Variants in UMAD1 observed in about 807,000 individuals in gnomAD.
UMAD1 encodes UBAP1-MVB12-associated (UMA) domain containing 1.
A neutral mutation model predicts 6.1 loss-of-function variants in UMAD1; 8 were observed. The observed-to-expected ratio is 1.30, with a 90% CI of 0.76 to 2.35. The LOEUF is 2.35. Among genes scored for constraint, UMAD1 ranks in the 30% most tolerant of loss-of-function variants. UMAD1 has a pLI of 0.00. For missense variants in UMAD1, 130 were observed against 78.4 expected, an observed-to-expected ratio of 1.66 and a Z score of -2.49; for synonymous variants, 56 against 31.4, an observed-to-expected ratio of 1.78 and a Z score of -2.61.
intron 1 of UMAD1, among the ~76,000 whole-genome samples, chr7:7,642,613 G>T (rs574212065): frequency 1.3e-5 from 2 of 152,104 alleles, no homozygotes; most frequent in South Asian, 2.1e-4. Context: ...CAGCTTTTTC[G>T]TGTATTTTTG....
At position 7,782,670 on chromosome 7, in the gene UMAD1, C is replaced by T. The variant is rs774148289; in HGVS notation, c.83-19000C>T. ...TAATACTTTAATCCTAGTTAATCCA[C>T]GTTATTGACCGTCTGTGCCTACAAG... is the stretch of plus-strand genomic sequence containing the variant. On this transcript the variant is annotated intron_variant, in intron 2 of 3. Transcript: ENST00000682710. 6.6e-5 allele frequency among the ~76,000 whole-genome samples: 10 copies of T among 151,580 alleles called. No homozygotes were observed. The South Asian group carries it at 1.0e-3, about 16-fold the overall frequency.
chr7:7,692,314 G>A (rs969879686), intron 2 of UMAD1: 5 of 152,180 alleles, frequency 3.3e-5, no homozygotes, highest in Non-Finnish European at 7.3e-5. Context: ...GTAGTCATGA[G>A]GAGAATTATA....
chr7:7,795,789 A>G (rs567772434), intron 2 of UMAD1, among the ~76,000 whole-genome samples: 4 of 152,316 alleles, frequency 2.6e-5, no homozygotes, highest in South Asian at 4.2e-4. Flanking sequence ...TATAATTGGC[A>G]TATAATGAAC....
At chr7:7,809,448 T>C (rs2115282216) in intron 3 of UMAD1, among the ~76,000 whole-genome samples, 1 of 152,130 alleles carries the variant, frequency 6.6e-6, no homozygotes, top group Admixed American at 6.5e-5. Context: ...TGCATGTATT[T>C]ATGGGGTACG....
At position 7,776,863 on chromosome 7, in the gene UMAD1, G is replaced by A. The variant is rs540088377; in HGVS notation, c.83-24807G>A. On this transcript the variant is annotated intron_variant, in intron 2 of 3. Coordinates refer to ENST00000682710, the MANE Select transcript of UMAD1 (RefSeq NM_001302348.2). ...TATATGAAAAGTAATACACTGAAAA[G>A]CCTTCCTCCAACATCTGTCATCGAT... Among the ~76,000 whole-genome samples, 8 of 151,004 alleles carry A rather than the reference G, an allele frequency of 5.3e-5. No homozygotes were observed. In the South Asian group the frequency reaches 1.3e-3, roughly 24 times the overall value.
intron 2 of UMAD1, among the ~76,000 whole-genome samples, chr7:7,692,059 C>A (rs958082114): frequency 7.2e-5 from 11 of 152,136 alleles, no homozygotes; most frequent in Non-Finnish European, 1.0e-4. Context: ...TTGATAACTG[C>A]AGTTATTAAC....
At chr7:7,819,367 T>C (rs1783198279) in intron 3 of UMAD1, among the ~76,000 whole-genome samples, 1 of 152,218 alleles carries the variant, frequency 6.6e-6, no homozygotes, top group Non-Finnish European at 1.5e-5. Flanking sequence ...TTGTTTATAT[T>C]ACGCTGTATC....
At position 7,794,662 on chromosome 7, in the gene UMAD1, T is replaced by C. The variant is rs183745089; in HGVS notation, c.83-7008T>C. ...ATACCAAATTGCAACCTGACACTGG[T>C]ATAGGACCTCATGACAGATAGCAGA... On this transcript the variant is annotated intron_variant, in intron 2 of 3. Transcript: ENST00000682710. 2.6e-4 allele frequency among the ~76,000 whole-genome samples: 40 copies of C among 152,280 alleles called. No homozygotes were observed. The South Asian group carries it at 5.2e-3, about 20-fold the overall frequency.
intron 3 of UMAD1, among the ~76,000 whole-genome samples, chr7:7,874,615 G>A (rs567555432): frequency 5.9e-5 from 9 of 152,256 alleles, no homozygotes; most frequent in African/African-American, 1.9e-4. Context: ...TCAAGAGTTC[G>A]AGACCAGCCT....
intron 2 of UMAD1, among the ~76,000 whole-genome samples, chr7:7,779,011 G>C (rs1298342228): frequency 6.6e-6 from 1 of 152,046 alleles, no homozygotes; most frequent in Non-Finnish European, 1.5e-5. Flanking sequence ...TTTCAGATAG[G>C]GAAACTCAGG....
At chr7:7,678,595 C>T (rs1168621250) in intron 2 of UMAD1, among the ~76,000 whole-genome samples, 1 of 129,370 alleles carries the variant, frequency 7.7e-6, no homozygotes, top group African/African-American at 2.9e-5. Context: ...TATTTATATA[C>T]TTAATTTATA....
At chr7:7,789,623 CT>C (rs1554329011) in intron 2 of UMAD1, among the ~76,000 whole-genome samples, 8 of 145,844 alleles carry the variant, frequency 5.5e-5, no homozygotes, top group Admixed American at 1.4e-4. Context: ...CCCTTCTCCC[CT>C]CCCCACAGAC....
At chr7:7,717,034 T>G (rs910556298) in intron 2 of UMAD1, among the ~76,000 whole-genome samples, 1 of 151,806 alleles carries the variant, frequency 6.6e-6, no homozygotes, top group Non-Finnish European at 1.5e-5. Flanking sequence ...CCTCTTTCTT[T>G]TTCCTTTTTC....
chr7:7,799,621 A>G (rs1168542471), intron 2 of UMAD1, among the ~76,000 whole-genome samples: 1 of 152,224 alleles, frequency 6.6e-6, no homozygotes, highest in African/African-American at 2.4e-5. Context: ...ATTTTCTTAG[A>G]AACATCGTGC....
At chr7:7,700,751 G>C (rs111763126) in intron 2 of UMAD1, among the ~76,000 whole-genome samples, 1 of 152,158 alleles carries the variant, frequency 6.6e-6, no homozygotes, top group Non-Finnish European at 1.5e-5. Flanking sequence ...AGCCAGGCAT[G>C]GTGGTGGGTG....
At chr7:7,789,643 C>G (rs1342977435) in intron 2 of UMAD1, among the ~76,000 whole-genome samples, 1 of 142,230 alleles carries the variant, frequency 7.0e-6, no homozygotes, top group African/African-American at 2.8e-5. Flanking sequence ...ACCCTGGAAA[C>G]CACCATTCTG....
At chr7:7,856,260 G>A (rs558555336) in intron 3 of UMAD1, among the ~76,000 whole-genome samples, 47 of 152,234 alleles carry the variant, frequency 3.1e-4, no homozygotes, top group Non-Finnish European at 5.7e-4. Context: ...GGAAATACCC[G>A]AGACTGCGTA....
chr7:7,814,198 A>G (rs1222719019), intron 3 of UMAD1, among the ~76,000 whole-genome samples: 2 of 151,924 alleles, frequency 1.3e-5, no homozygotes, highest in Admixed American at 6.6e-5. Flanking sequence ...GTTGGCCAGG[A>G]TGGTCTTGAT....
At chr7:7,701,618 T>C (rs141601621) in intron 2 of UMAD1, among the ~76,000 whole-genome samples, 248 of 152,318 alleles carry the variant, frequency 1.6e-3, no homozygotes, top group African/African-American at 5.7e-3. Flanking sequence ...GTTGACCTTA[T>C]GGGTCTTGCT....
Sources: allele counts gnomAD v4.1 joint callset (sites outside exome capture counted in the v4.1 genomes callset), GRCh38; gene constraint gnomAD v4.1.1; transcripts MANE v1.5; gene names NCBI Gene and HGNC (gene_info 2026-07-23, HGNC 2026-07-21).